Variants in PDE11A observed in about 807,000 individuals in gnomAD.
PDE11A encodes dual 3',5'-cyclic-AMP and -GMP phosphodiesterase 11A.
A neutral mutation model predicts 100.5 loss-of-function variants in PDE11A; 100 were observed. That is an observed-to-expected ratio of 1.00 (90% CI 0.85 to 1.18). PDE11A has a LOEUF of 1.18. Ranked by LOEUF, PDE11A falls within the 50% of genes most tolerant of loss-of-function variation. The pLI, the probability that PDE11A is intolerant of heterozygous loss-of-function variation, is 0.00. For synonymous variants in PDE11A, 381 were observed against 420.8 expected, an observed-to-expected ratio of 0.91 and a Z score of 1.16; for missense variants, 1,141 against 1,152.6, an observed-to-expected ratio of 0.99 and a Z score of 0.15.
intron 10 of PDE11A, among the ~76,000 whole-genome samples, chr2:177,756,960 G>A (rs1295336258): frequency 2.6e-5 from 4 of 152,166 alleles, no homozygotes; most frequent in South Asian, 2.1e-4. Flanking sequence ...ACAATCAGAC[G>A]ATAAGGAGGG....
At chr2:178,011,965 T>C (rs1248957258) in intron 2 of PDE11A, 3 of 152,266 alleles carry the variant, frequency 2.0e-5, no homozygotes, top group Admixed American at 6.5e-5. Flanking sequence ...AGAAATACTT[T>C]CCCGTGAATC....
intron 19 of PDE11A, among the ~76,000 whole-genome samples, chr2:177,649,044 G>A (rs2080266966): frequency 1.3e-5 from 2 of 152,034 alleles, no homozygotes. Context: ...TTTATAATAT[G>A]GAAAATGCTA....
intron 9 of PDE11A, among the ~76,000 whole-genome samples, chr2:177,810,085 G>T (rs111654555): frequency 8.3e-6 from 1 of 119,924 alleles, no homozygotes; most frequent in African/African-American, 3.7e-5. Flanking sequence ...AAATAAAAGC[G>T]CAACTCTGTA....
At chr2:178,004,967 A>C (rs1345853768) in intron 2 of PDE11A, among the ~76,000 whole-genome samples, 1 of 152,290 alleles carries the variant, frequency 6.6e-6, no homozygotes, top group East Asian at 1.9e-4. Flanking sequence ...GAACATAATA[A>C]TAAGACAATA....
chr2:177,724,667 C>T (rs1479936142), intron 12 of PDE11A, among the ~76,000 whole-genome samples: 3 of 152,132 alleles, frequency 2.0e-5, no homozygotes, highest in Admixed American at 6.6e-5. Flanking sequence ...CAGGCCCATC[C>T]TGATGGGAGA....
intron 3 of PDE11A, among the ~76,000 whole-genome samples, 169 bp downstream of exon 3, chr2:177,904,929 C>T (rs1574267102): frequency 6.6e-6 from 1 of 152,160 alleles, no homozygotes; most frequent in East Asian, 1.9e-4. Context: ...TCCATTTGGG[C>T]TTATTGCTTA....
intron 1 of PDE11A, among the ~76,000 whole-genome samples, chr2:178,047,633 G>C (rs913663940): frequency 6.6e-6 from 1 of 152,126 alleles, no homozygotes; most frequent in Non-Finnish European, 1.5e-5. Context: ...TAACATGATA[G>C]AGCAGCCACG....
chr2:177,783,237 G>T (rs181613116), intron 9 of PDE11A, among the ~76,000 whole-genome samples: 11 of 152,286 alleles, frequency 7.2e-5, no homozygotes, highest in African/African-American at 2.4e-4. Context: ...TATCAAGAGG[G>T]CTTGTCAAGG....
At chr2:178,055,055 T>C (rs994175230) in intron 1 of PDE11A, among the ~76,000 whole-genome samples, 1 of 152,220 alleles carries the variant, frequency 6.6e-6, no homozygotes, top group African/African-American at 2.4e-5. Flanking sequence ...CATGTATGTT[T>C]ATTTTGGCAC....
At chr2:177,671,916 G>A (rs11896144) in intron 17 of PDE11A, among the ~76,000 whole-genome samples, 7,712 of 152,130 alleles carry the variant, frequency 0.051, 632 homozygotes, top group African/African-American at 0.18. Flanking sequence ...CTTGACATGC[G>A]TTTCACTGTG....
intron 6 of PDE11A, among the ~76,000 whole-genome samples, chr2:177,837,601 G>A (rs1380441680): frequency 6.6e-6 from 1 of 151,800 alleles, no homozygotes; most frequent in Non-Finnish European, 1.5e-5. Context: ...CAAGTTAATA[G>A]CTGTGTGACT....
chr2:178,040,713 C>T (rs1163782215), intron 1 of PDE11A, among the ~76,000 whole-genome samples: 2 of 152,154 alleles, frequency 1.3e-5, no homozygotes, highest in Non-Finnish European at 2.9e-5. Flanking sequence ...GAACTACATA[C>T]CTCAATTTGC....
intron 15 of PDE11A, among the ~76,000 whole-genome samples, chr2:177,696,111 G>A (rs1030758898): frequency 6.6e-6 from 1 of 152,142 alleles, no homozygotes; most frequent in Non-Finnish European, 1.5e-5. Context: ...AAAAAAGGTT[G>A]GGGGCAGATT....
At chr2:177,804,900 A>G (rs541102656) in intron 9 of PDE11A, among the ~76,000 whole-genome samples, 1 of 152,034 alleles carries the variant, frequency 6.6e-6, no homozygotes, top group African/African-American at 2.4e-5. Context: ...GGACATACAG[A>G]GTAGATTAAT....
At chr2:177,964,804 T>C (rs2695752) in intron 2 of PDE11A, among the ~76,000 whole-genome samples, 85,576 of 152,102 alleles carry the variant, frequency 0.56, 26,764 homozygotes, top group African/African-American at 0.84. Flanking sequence ...TGTATCTTTG[T>C]TGTTGTGACT....
In PDE11A at chr2:178,072,758, C is replaced by T. The variant is rs2087155296; in HGVS notation, c.-321G>A. The T allele has an allele frequency of 2.7e-5, 35 of 1,293,540 alleles. No individual in the cohort carries two copies. In the South Asian group the frequency reaches 5.3e-4, roughly 20 times the overall value. The allele number at this position is 1,293,540 out of a possible 1,614,324, so 80.1% of individuals were successfully genotyped here. On this transcript the variant is annotated 5_prime_UTR_variant, in exon 1 of 20. Transcript: ENST00000286063. ...CCTGTTCTGGCTGCCGCCGCTGCTG[C>T]TGGAACTGCTGCTGTAACCGGATGA...
chr2:177,793,720 CTGCTTCCCTCTGCTTGTG>C (rs2082664274), intron 9 of PDE11A, among the ~76,000 whole-genome samples: 1 of 152,074 alleles, frequency 6.6e-6, no homozygotes, highest in Non-Finnish European at 1.5e-5. Flanking sequence ...ACAAGGAAGG[CTGCTTCCCTCTGCTTGTG>C]AGTACCTGGC....
At chr2:177,792,305 C>G (rs1212585210) in intron 9 of PDE11A, among the ~76,000 whole-genome samples, 1 of 152,190 alleles carries the variant, frequency 6.6e-6, no homozygotes, top group African/African-American at 2.4e-5. Flanking sequence ...TTGGTTATTG[C>G]TGTTTCTGAA....
Position 177,890,410 on chromosome 2 carries a change from A to G in PDE11A, c.1302+7648T>C, listed in dbSNP as rs577325780. Among the ~76,000 whole-genome samples the G allele has an allele frequency of 7.9e-5, 12 of 152,308 alleles. No individual in the cohort carries two copies. The East Asian group carries it at 1.5e-3, about 20-fold the overall frequency. On this transcript the variant is annotated intron_variant, in intron 4 of 19. Transcript: ENST00000286063. ...CTCTTACTGTTTCAAGCAAGTATAC[A>G]TGACTTATTTTGGTGAACATTGTGC...
Sources: allele counts gnomAD v4.1 joint callset (sites outside exome capture counted in the v4.1 genomes callset), GRCh38; gene constraint gnomAD v4.1.1; transcripts MANE v1.5; gene names NCBI Gene and HGNC (gene_info 2026-07-23, HGNC 2026-07-21).